Variants in KLRG2 observed in about 807,000 individuals in gnomAD.
KLRG2 encodes killer cell lectin like receptor G2, also known as killer cell lectin-like receptor subfamily G member 2.
In KLRG2, 39 loss-of-function variants were observed where a neutral mutation model predicts 35.4. The ratio of observed to expected loss-of-function variants is 1.10; its 90% confidence interval spans 0.85 to 1.44. The LOEUF (loss-of-function observed/expected upper bound fraction) is 1.44, where lower values mean the gene tolerates loss of function less well. KLRG2 is among the 40% of genes most tolerant of loss of function. The pLI is 0.00. For missense variants in KLRG2, 632 were observed against 570.9 expected, an observed-to-expected ratio of 1.11 and a Z score of -1.09; for synonymous variants, 283 against 265.8, an observed-to-expected ratio of 1.06 and a Z score of -0.63.
downstream of KLRG2, among the ~76,000 whole-genome samples, chr7:139,450,184 A>G (rs1357959485): frequency 1.3e-5 from 2 of 150,790 alleles, no homozygotes; most frequent in African/African-American, 2.4e-5. Context: ...CTGGGATTAT[A>G]GGCACCCACC....
intron 3 of KLRG2, among the ~76,000 whole-genome samples, chr7:139,470,342 G>A (rs995516960): frequency 6.6e-6 from 1 of 152,164 alleles, no homozygotes; most frequent in Non-Finnish European, 1.5e-5. Context: ...ACAGGCATGA[G>A]CCACTGCGCC....
the KLRG2 span, among the ~76,000 whole-genome samples, chr7:139,436,281 G>GC: frequency 6.6e-6 from 1 of 152,108 alleles, no homozygotes; most frequent in Non-Finnish European, 1.5e-5. Flanking sequence ...AAATAAAAAC[G>GC]CAAGCATGGA....
chr7:139,437,113 C>T, the KLRG2 span, among the ~76,000 whole-genome samples: 1 of 152,194 alleles, frequency 6.6e-6, no homozygotes, highest in African/African-American at 2.4e-5. Flanking sequence ...CCTCTAGACT[C>T]TTCCTACAGA....
chr7:139,466,109 T>A (rs1796649199), intron 3 of KLRG2, among the ~76,000 whole-genome samples: 4 of 152,240 alleles, frequency 2.6e-5, no homozygotes, highest in Admixed American at 2.6e-4. Flanking sequence ...TTCCATCTGC[T>A]ATCTACTACT....
rs75283620 is a variant in KLRG2, at chr7:139,475,053, C to T, written c.1005+4574G>A. 3.3e-4 allele frequency among the ~76,000 whole-genome samples: 51 copies of T among 152,318 alleles called. No homozygotes were observed. The East Asian group carries it at 9.5e-3, about 28-fold the overall frequency. ...AAGAAGAATTGGAGCAGACAGGCCT[C>T]GCTGGGTTTCCTGCCTAGTCTATTA... is the stretch of plus-strand genomic sequence containing the variant. On this transcript the variant is annotated intron_variant, in intron 3 of 4. Transcript: ENST00000340940.
downstream of KLRG2, among the ~76,000 whole-genome samples, chr7:139,447,983 C>G (rs986435888): frequency 6.6e-6 from 1 of 152,068 alleles, no homozygotes; most frequent in Non-Finnish European, 1.5e-5. Flanking sequence ...AAAAACAATG[C>G]ATAACATTTC....
In KLRG2 at chr7:139,483,547, C is replaced by T. The variant is rs1275915095; in HGVS notation, c.96G>A (p.Pro32=). The part of the protein sequence containing the change: ...VGSLVPTLEQ[P]QVPAKVRQPE... ...GTTGTCGCACCTTCGCGGGCACCTG[C>T]GGCTGCTCCAGCGTGGGGACCAGGC... Residue 32 remains proline (P), a synonymous_variant, in exon 1 of 5, where the codon CCG becomes CCA. Coordinates refer to ENST00000340940, the MANE Select transcript of KLRG2 (RefSeq NM_198508.4). The T allele has an allele frequency of 1.9e-6, 3 of 1,598,724 alleles. No homozygotes were observed. In the African/African-American group the frequency reaches 4.0e-5, roughly 21 times the overall value.
rs1335200900 is a variant in KLRG2, at chr7:139,483,150, C to G, written c.493G>C (p.Ala165Pro). 6.0e-6 allele frequency: 9 copies of G among 1,490,046 alleles called. 1 individual carries two copies. The South Asian group carries it at 1.1e-4, about 19-fold the overall frequency. The allele number at this position is 1,490,046 out of a possible 1,614,324, so 92.3% of individuals were successfully genotyped here. The change falls in exon 1 of 5, where the codon GCG becomes CCG. Residue 165 changes from alanine (A) to proline (P), a missense_variant. Ala to Pro is a conservative substitution (Grantham distance 27, BLOSUM62 -1). Coordinates refer to ENST00000340940, the MANE Select transcript of KLRG2 (RefSeq NM_198508.4). ...VPESPAFSRH[A>P]DPAHQLLLRA... Reference sequence around the variant, plus strand: ...AGCAGGAGCTGGTGCGCCGGGTCCGCGTGGCGGGAGAAGGCAGGGGACTCG... The same window carrying G: ...AGCAGGAGCTGGTGCGCCGGGTCCGGGTGGCGGGAGAAGGCAGGGGACTCG...
At chr7:139,465,671 G>A (rs1408285278) in intron 3 of KLRG2, among the ~76,000 whole-genome samples, 43 of 143,656 alleles carry the variant, frequency 3.0e-4, no homozygotes, top group Non-Finnish European at 1.8e-4. Context: ...CAGCCTGGGC[G>A]AGAGTGTGAG....
Position 139,454,058 on chromosome 7 carries a change from GA to G in KLRG2, c.1109+52del, listed in dbSNP as rs1796415579. The G allele has an allele frequency of 3.6e-6, 4 of 1,099,174 alleles. No homozygotes were observed. The East Asian group carries it at 1.0e-4, about 28-fold the overall frequency. 68.1% of individuals were successfully genotyped at this position (1,099,174 alleles called of 1,614,324 possible). A position where few individuals can be genotyped will look rare whatever the true frequency, so the allele number is the denominator to read the frequency against. ...GCAGCAAGGAGGTGGAGTCTGGGGA[GA>G]AATGGAGGATCCAGAACAGCAGAGG... On this transcript the variant is annotated intron_variant, in intron 4 of 4. Transcript: ENST00000340940.
intron 3 of KLRG2, among the ~76,000 whole-genome samples, chr7:139,474,487 G>C (rs112514650): frequency 7.2e-5 from 11 of 152,264 alleles, no homozygotes; most frequent in African/African-American, 2.4e-4. Context: ...GGCTGGGCAT[G>C]GTGGCTAACA....
At chr7:139,446,336 GTTTTTTT>G in the KLRG2 span, among the ~76,000 whole-genome samples, 2 of 92,050 alleles carry the variant, frequency 2.2e-5, no homozygotes, top group South Asian at 8.6e-4. Context: ...ATTTTCCAGG[GTTTTTTT>G]TTTTTTTTTT....
chr7:139,453,476 T>G lies in KLRG2; in HGVS notation c.*111A>C, dbSNP rs1391323540. ...TCATGTGGCCCCCTTGAGCAGAGCA[T>G]GAAGACCTGGATAACTGGGTCCAGG... On this transcript the variant is annotated 3_prime_UTR_variant, in exon 5 of 5. Coordinates refer to ENST00000340940, the MANE Select transcript of KLRG2 (RefSeq NM_198508.4). 4 of 1,180,726 alleles carry G rather than the reference T, an allele frequency of 3.4e-6. No homozygotes were observed. The African/African-American group carries it at 4.6e-5, about 14-fold the overall frequency. The allele number at this position is 1,180,726 out of a possible 1,614,324, so 73.1% of individuals were successfully genotyped here.
At chr7:139,445,834 ATTT>A in the KLRG2 span, among the ~76,000 whole-genome samples, 7 of 117,746 alleles carry the variant, frequency 5.9e-5, no homozygotes, top group Non-Finnish European at 9.9e-5. Flanking sequence ...TTTAAGTTTT[ATTT>A]TTTATTTTTT....
At chr7:139,444,649 C>T in the KLRG2 span, among the ~76,000 whole-genome samples, 4 of 152,326 alleles carry the variant, frequency 2.6e-5, no homozygotes, top group South Asian at 8.3e-4. Context: ...CCCCTGATCT[C>T]AGACTTCCAG....
chr7:139,445,978 C>G, the KLRG2 span, among the ~76,000 whole-genome samples: 2 of 151,174 alleles, frequency 1.3e-5, no homozygotes, highest in Non-Finnish European at 2.9e-5. Context: ...ATTGCAGGCA[C>G]ACACCACCAC....
chr7:139,482,891 A>G lies in KLRG2; in HGVS notation c.752T>C (p.Leu251Pro). 6.8e-7 allele frequency: 1 copy of G among 1,474,732 alleles called. No homozygotes were observed. Among genetic ancestry groups the G allele is most frequent in the South Asian group, 1.3e-5 (1 of 74,220 alleles). The allele number at this position is 1,474,732 out of a possible 1,614,324, so 91.4% of individuals were successfully genotyped here. Residue 251 changes from leucine (L) to proline (P), a missense_variant, in exon 1 of 5, where the codon CTT becomes CCT. Physicochemically the swap from Leu to Pro is moderately conservative, Grantham distance 98. Coordinates refer to ENST00000340940, the MANE Select transcript of KLRG2 (RefSeq NM_198508.4). ...CGGCGCAGGTGAGCACTCACCCGTA[A>G]GCGTTACGGCCCGGGGCAGCTTCTC... is the stretch of plus-strand genomic sequence containing the variant. ...GDEKLPRAVTLTGLPMYVKSL... is the reference protein window; with the variant it reads ...GDEKLPRAVTPTGLPMYVKSL...
In KLRG2 at chr7:139,480,247, C is replaced by A. The variant is rs1796932802; in HGVS notation, c.758G>T (p.Gly253Val). The change falls in exon 2 of 5, where the codon GGG (glycine) becomes GTG (valine). Residue 253 changes from glycine to valine, a missense_variant and splice_region_variant. Transcript: ENST00000340940. ...EKLPRAVTLTGLPMYVKSLYW... is the reference protein window; with the variant it reads ...EKLPRAVTLTVLPMYVKSLYW... ...CAGGGACTTCACGTACATGGGTAGC[C>A]CTGGGACGGGGGCAAACAGGATAAT... 6.3e-7 allele frequency: 1 copy of A among 1,579,590 alleles called. No homozygotes were observed.
Position 139,469,078 on chromosome 7 carries a change from T to C in KLRG2, c.1005+10549A>G, listed in dbSNP as rs141659292. 3.0e-4 allele frequency among the ~76,000 whole-genome samples: 46 copies of C among 152,348 alleles called. No individual in the cohort carries two copies. The East Asian group carries it at 8.9e-3, about 29-fold the overall frequency. ...ATCTCAGACTTCCAGCCTTCAGGAC[T>C]GTGAGAAAGTCAGCTTGTTGAAGCT... On this transcript the variant is annotated intron_variant, in intron 3 of 4. Coordinates refer to ENST00000340940, the MANE Select transcript of KLRG2 (RefSeq NM_198508.4).
Sources: gnomAD v4.1 joint callset for allele counts (sites outside exome capture counted in the v4.1 genomes callset) on GRCh38, gnomAD v4.1.1 for gene constraint, MANE v1.5 for transcripts, NCBI Gene and HGNC (gene_info 2026-07-23, HGNC 2026-07-21) for gene names.